MRC2: variants seen among roughly 807,000 people sequenced by gnomAD.
MRC2 encodes the protein C-type mannose receptor 2.
MRC2 carries 84 observed loss-of-function variants against 206.2 expected under a neutral mutation model. The observed-to-expected ratio is 0.41, with a 90% CI of 0.34 to 0.49. MRC2 has a LOEUF of 0.49. Among genes scored for constraint, MRC2 ranks in the 20% least tolerant of loss-of-function variants. The pLI is 0.31. For missense variants in MRC2, 1,676 were observed against 2,001.5 expected, an observed-to-expected ratio of 0.84 and a Z score of 3.10; for synonymous variants, 798 against 800.0, an observed-to-expected ratio of 1.00 and a Z score of 0.04.
chr17:62,664,918 C>G lies in MRC2; in HGVS notation c.489C>G (p.Ser163Arg), dbSNP rs2302242. 4 of 1,611,258 alleles carry G rather than the reference C, an allele frequency of 2.5e-6. No individual in the cohort carries two copies. The highest frequency in any genetic ancestry group is 1.7e-6 in the Non-Finnish European group (2 of 1,179,682). ...TRSGQWRIYGSEEDLCALPYH... is the reference protein window; with the variant it reads ...TRSGQWRIYGREEDLCALPYH... ...GTGGCCAGTGGCGCATCTACGGCAG[C>G]GAGGAGGACCTATGTGCTCTGCCCT... is the stretch of plus-strand genomic sequence containing the variant. Residue 163 changes from serine (S) to arginine (R), a missense_variant, in exon 2 of 30, where the codon AGC becomes AGG. By Grantham distance (110) the Ser-to-Arg change is moderately radical. This residue lies in a region of MRC2 where 318 missense variants were observed against 346.7 expected (regional missense o/e 0.92). Transcript: ENST00000303375. This position sits in a 1 kb window ranked among gnomAD's most constrained non-coding sequence, Gnocchi z 4.7.
chr17:62,665,786 G>C (rs752866362), intron 2 of MRC2, among the ~76,000 whole-genome samples: 22 of 152,178 alleles, frequency 1.4e-4, no homozygotes, highest in Non-Finnish European at 2.8e-4. Context: ...AGATTCCACC[G>C]GGCTCAGCCC....
In MRC2 at chr17:62,671,791, C is replaced by A; in HGVS notation, c.1260C>A (p.Ile420=). Residue 420 remains isoleucine (I), a synonymous_variant, in exon 7 of 30, where the codon ATC becomes ATA. Transcript: ENST00000303375. This position sits in a 1 kb window ranked among gnomAD's most constrained non-coding sequence, Gnocchi z 4.5. ...GGGGCGGTGGCGACCTGGTCAGCAT[C>A]CACAGCATGGCGGAGCTGGAATTCA... is the stretch of plus-strand genomic sequence containing the variant. ...CLRGGGDLVS[I]HSMAELEFIT... 2 of 1,610,892 alleles carry A rather than the reference C, an allele frequency of 1.2e-6. No individual in the cohort carries two copies. The highest frequency in any genetic ancestry group is 2.2e-5 in the South Asian group (2 of 90,812).
chr17:62,687,246 C>G (rs1003818397), intron 20 of MRC2, among the ~76,000 whole-genome samples: 1 of 152,138 alleles, frequency 6.6e-6, no homozygotes, highest in Non-Finnish European at 1.5e-5. Flanking sequence ...CTGCAACCTC[C>G]GCCTCCTGGG....
chr17:62,674,710 G>A (rs897020329), intron 9 of MRC2, among the ~76,000 whole-genome samples: 3 of 151,984 alleles, frequency 2.0e-5, no homozygotes, highest in African/African-American at 7.2e-5. Context: ...GAGGGGGGGG[G>A]TGTCAAGGAA....
At chr17:62,669,914 G>C (rs2147470044) in intron 6 of MRC2, among the ~76,000 whole-genome samples, 1 of 152,344 alleles carries the variant, frequency 6.6e-6, no homozygotes, top group African/African-American at 2.4e-5. Flanking sequence ...AGGAGCAGAA[G>C]CTTGAAACGT....
Position 62,678,618 on chromosome 17 carries a change from G to T in MRC2, c.2167G>T (p.Val723Leu). The change falls in exon 13 of 30, where the codon GTG becomes TTG. Residue 723 changes from valine (V) to leucine (L), a missense_variant. Around this residue, in one of 3 missense-constraint regions of MRC2, gnomAD observed 1,354 missense variants for 1,636.6 expected, o/e 0.83. Coordinates refer to ENST00000303375, the MANE Select transcript of MRC2 (RefSeq NM_006039.5). The stretch of plus-strand genomic sequence containing the variant: ...GGCCAGCTACGAGGAGGAGCACTTT[G>T]TGGCCAACATGCTCAACAAGATCTT... Reference protein sequence around the residue: ...SLASYEEEHFVANMLNKIFGE... With the variant: ...SLASYEEEHFLANMLNKIFGE... The T allele has an allele frequency of 6.2e-7, 1 of 1,611,772 alleles. No individual in the cohort carries two copies. The highest frequency in any genetic ancestry group is 8.5e-7 in the Non-Finnish European group (1 of 1,179,210).
chr17:62,627,828 C>T lies in MRC2; in HGVS notation c.26C>T (p.Ala9Val). The change falls in exon 1 of 30, where the codon GCG (alanine) becomes GTG (valine). Residue 9 changes from alanine to valine, a missense_variant. Ala to Val is a moderately conservative substitution (Grantham distance 64). Transcript: ENST00000303375. MGPGRPAP[A>V]PWPRHLLRCV... ...ATGGGGCCCGGCCGGCCGGCCCCCG[C>T]GCCCTGGCCTCGTCACCTGCTGCGC... 6.9e-7 allele frequency: 1 copy of T among 1,457,544 alleles called. No homozygotes were observed. 90.3% of individuals were successfully genotyped at this position (1,457,544 alleles called of 1,614,324 possible). A position where few individuals can be genotyped will look rare whatever the true frequency, so the allele number is the denominator to read the frequency against.
rs1161953451 is a variant in MRC2 at position 62,666,073 on chromosome 17, G to A, written c.521-21G>A. 1 of 1,569,212 alleles carries A rather than the reference G, an allele frequency of 6.4e-7. No individual in the cohort carries two copies. Among genetic ancestry groups the A allele is most frequent in the South Asian group, 1.2e-5 (1 of 85,436 alleles). On this transcript the variant is annotated intron_variant, in intron 2 of 29. Coordinates refer to ENST00000303375, the MANE Select transcript of MRC2 (RefSeq NM_006039.5). The surrounding 1 kb of genome is among the most constrained non-coding windows in gnomAD (Gnocchi z 5.0). ...CTGGTGTCCAGATGCCAAGGGCCTG[G>A]CCCCTGTCCACCCCCTGCAGAGGTC...
In MRC2 at chr17:62,680,973, T is replaced by C; in HGVS notation, c.2634+13T>C. 6.2e-7 allele frequency: 1 copy of C among 1,612,568 alleles called. No individual in the cohort carries two copies. Among genetic ancestry groups the C allele is most frequent in the South Asian group, 1.1e-5 (1 of 91,044 alleles). On this transcript the variant is annotated intron_variant, in intron 17 of 29. Transcript: ENST00000303375. The surrounding 1 kb of genome is among the most constrained non-coding windows in gnomAD (Gnocchi z 4.8). ...CAACTTGCAGAAGGTGGGCATTGGA[T>C]TGAGCAGGGGGCTGCAGGCTGGGGG...
At chr17:62,662,422 C>A (rs1240352792) in intron 1 of MRC2, among the ~76,000 whole-genome samples, 1 of 152,188 alleles carries the variant, frequency 6.6e-6, no homozygotes, top group Non-Finnish European at 1.5e-5. Flanking sequence ...AATTGCTTCA[C>A]CACCCTCAGC....
chr17:62,643,337 A>AAAAAAAG, intron 1 of MRC2, among the ~76,000 whole-genome samples: 1 of 133,910 alleles, frequency 7.5e-6, no homozygotes, highest in Non-Finnish European at 1.6e-5. Flanking sequence ...CAAAAAAAAA[A>AAAAAAAG]AAAAAAAAAA....
Position 62,671,677 on chromosome 17 carries a change from C to G in MRC2, c.1146C>G (p.Cys382Trp). ...GGTGGGCCAATGTGAAGGTGGAGTG[C>G]GAGCCGAGCTGGCAGCCCTTCCAGG... ...PDRWANVKVE[C>W]EPSWQPFQGH... The change falls in exon 7 of 30, where the codon TGC (cysteine) becomes TGG (tryptophan). Residue 382 changes from cysteine to tryptophan, a missense_variant. Physicochemically the swap from Cys to Trp is radical, Grantham distance 215. This residue lies in a region of MRC2 where 1,354 missense variants were observed against 1,636.6 expected (regional missense o/e 0.83). Transcript: ENST00000303375. This position sits in a 1 kb window ranked among gnomAD's most constrained non-coding sequence, Gnocchi z 4.5. 1.3e-6 allele frequency: 2 copies of G among 1,599,254 alleles called. No individual in the cohort carries two copies. Among genetic ancestry groups the G allele is most frequent in the Non-Finnish European group, 1.7e-6 (2 of 1,172,224 alleles).
chr17:62,686,799 T>C lies in MRC2; in HGVS notation c.2947-1490T>C, dbSNP rs556555848. ...TGATGAATTCTACTCATGATTTAAG[T>C]TGGGCCTCAGCATGGCTCTGAAACT... On this transcript the variant is annotated intron_variant, in intron 20 of 29. Transcript: ENST00000303375. Among the ~76,000 whole-genome samples, 6 of 152,340 alleles carry C rather than the reference T, an allele frequency of 3.9e-5. 1 individual carries two copies. Among genetic ancestry groups the C allele is most frequent in the African/African-American group, 1.4e-4 (6 of 41,574 alleles).
At chr17:62,690,817 C>T (rs2089099747) in intron 27 of MRC2, 56 bp downstream of exon 27, 6 of 1,528,382 alleles carry the variant, frequency 3.9e-6, no homozygotes, top group Non-Finnish European at 5.3e-6. Context: ...AAGGGGCTGC[C>T]CTCCACTTTG....
intron 27 of MRC2, 32 bp from the exon 28 acceptor site, chr17:62,690,917 T>G: frequency 6.5e-7 from 1 of 1,548,180 alleles, no homozygotes; most frequent in Non-Finnish European, 8.7e-7. Flanking sequence ...CCCCACCTTG[T>G]CCCTGCTCCC....
At position 62,679,818 on chromosome 17, in the gene MRC2, C is replaced by T; in HGVS notation, c.2214C>T (p.Ile738=). 1 of 1,613,998 alleles carries T rather than the reference C, an allele frequency of 6.2e-7. No individual in the cohort carries two copies. The part of the protein sequence containing the change: ...NKIFGESEPE[I]HEQHWFWIGL... Reference sequence around the variant, plus strand: ...GCTGAAGTGAATCAGAACCCGAGATCCACGAGCAGCACTGGTTCTGGATCG... The same window carrying T: ...GCTGAAGTGAATCAGAACCCGAGATTCACGAGCAGCACTGGTTCTGGATCG... The change falls in exon 14 of 30, where the codon ATC becomes ATT. Residue 738 remains isoleucine, a synonymous_variant. Coordinates refer to ENST00000303375, the MANE Select transcript of MRC2 (RefSeq NM_006039.5).
intron 20 of MRC2, among the ~76,000 whole-genome samples, chr17:62,684,186 A>G (rs986804470): frequency 1.3e-5 from 2 of 152,246 alleles, no homozygotes; most frequent in East Asian, 3.8e-4. Flanking sequence ...CATGCATTTC[A>G]TGGTGGCTAT....
In MRC2 at chr17:62,688,429, C is replaced by T. The variant is rs751012327; in HGVS notation, c.3061+26C>T. 4 of 1,614,078 alleles carry T rather than the reference C, an allele frequency of 2.5e-6. No individual in the cohort carries two copies. The African/African-American group carries it at 5.3e-5, about 22-fold the overall frequency. ...GTAGGGCCAGCCTATGGGGAGCCCC[C>T]AGTATCCTCTGACACTGTCCCCCCA... On this transcript the variant is annotated intron_variant, in intron 21 of 29. Transcript: ENST00000303375.
chr17:62,656,096 G>T (rs1265687515), intron 1 of MRC2, among the ~76,000 whole-genome samples: 1 of 152,126 alleles, frequency 6.6e-6, no homozygotes, highest in East Asian at 1.9e-4. Flanking sequence ...TGCCAGGTTG[G>T]AGTACAGTGG....
Sources: allele counts gnomAD v4.1 joint callset (sites outside exome capture counted in the v4.1 genomes callset), GRCh38; gene constraint gnomAD v4.1.1; regional missense constraint gnomAD v4.1.1; non-coding constraint Gnocchi (gnomAD v3.1); transcripts MANE v1.5; gene names NCBI Gene and HGNC (gene_info 2026-07-23, HGNC 2026-07-21).